Variants in ZFP28 observed in about 807,000 individuals in gnomAD.
The protein encoded by ZFP28 is ZFP28 zinc finger protein.
A neutral mutation model predicts 39.5 loss-of-function variants in ZFP28; 31 were observed. The ratio of observed to expected loss-of-function variants is 0.79; its 90% confidence interval spans 0.59 to 1.06. The LOEUF (loss-of-function observed/expected upper bound fraction) is 1.06. ZFP28 is among the 50% of genes least tolerant of loss of function. The pLI is 0.00. For missense variants in ZFP28, 925 were observed against 1,048.4 expected, an observed-to-expected ratio of 0.88 and a Z score of 1.63; for synonymous variants, 400 against 378.6, an observed-to-expected ratio of 1.06 and a Z score of -0.66.
intron 7 of ZFP28, 86 bp from the exon 8 acceptor site, chr19:56,553,598 G>A: frequency 6.8e-7 from 1 of 1,481,126 alleles, no homozygotes; most frequent in Non-Finnish European, 9.0e-7. Context: ...ACCAATTAGT[G>A]AATTAATTCA....
rs185029907 is a variant in ZFP28, at chr19:56,542,304, C to T, written c.300+2588C>T. Among the ~76,000 whole-genome samples, 16 of 152,234 alleles carry T rather than the reference C, an allele frequency of 1.1e-4. 1 individual carries two copies. Among genetic ancestry groups the T allele is most frequent in the African/African-American group, 3.9e-4 (16 of 41,558 alleles). On this transcript the variant is annotated intron_variant, in intron 2 of 7. Coordinates refer to ENST00000301318, the MANE Select transcript of ZFP28 (RefSeq NM_020828.2). ...AAGTAGCTGGAATTACAGGCATGTG[C>T]CACCATGCCCAGCTAATTTTTGTAT...
At chr19:56,546,522 A>G (rs1297338186) in intron 2 of ZFP28, 1 of 152,246 alleles carries the variant, frequency 6.6e-6, no homozygotes, top group Non-Finnish European at 1.5e-5. Context: ...AGCTTCTCCA[A>G]GATGGCACCT....
chr19:56,551,313 T>C, intron 7 of ZFP28: 1 of 986,842 alleles, frequency 1.0e-6, no homozygotes, highest in African/African-American at 1.7e-5. Flanking sequence ...TGTAATTGTT[T>C]ACTGTTTGGC....
intron 7 of ZFP28, chr19:56,550,969 C>T (rs1230659053): frequency 2.9e-6 from 4 of 1,364,070 alleles, no homozygotes; most frequent in Non-Finnish European, 3.8e-6. Flanking sequence ...CTGTGAGAAC[C>T]ACAAATTGAA....
Position 56,547,424 on chromosome 19 carries a change from G to A in ZFP28, c.301-84G>A. On this transcript the variant is annotated intron_variant, in intron 2 of 7. Transcript: ENST00000301318. This position sits in a 1 kb window ranked among gnomAD's most constrained non-coding sequence, Gnocchi z 4.6. Reference sequence around the variant, plus strand: ...AGTTTAATGTAGGAGTTTTGTCAGGGGACACATTTCTTTCTATAACAAACC... The same window carrying A: ...AGTTTAATGTAGGAGTTTTGTCAGGAGACACATTTCTTTCTATAACAAACC... 1.3e-6 allele frequency: 2 copies of A among 1,596,124 alleles called. No individual in the cohort carries two copies. The highest frequency in any genetic ancestry group is 1.7e-6 in the Non-Finnish European group (2 of 1,168,322).
chr19:56,539,039 G>A lies in ZFP28; in HGVS notation c.21G>A (p.Ala7=). 1 of 1,466,010 alleles carries A rather than the reference G, an allele frequency of 6.8e-7. No individual in the cohort carries two copies. The allele number at this position is 1,466,010 out of a possible 1,614,324, so 90.8% of individuals were successfully genotyped here. A position where few individuals can be genotyped will look rare whatever the true frequency, so the allele number is the denominator to read the frequency against. The part of the protein sequence containing the change: MRGAAS[A]SVREPTPLPG... ...GTGACATGCGGGGGGCGGCGAGCGC[G>A]AGTGTCCGCGAGCCGACGCCGCTCC... The change falls in exon 1 of 8, where the codon GCG becomes GCA. Residue 7 remains alanine (A), a synonymous_variant. Coordinates refer to ENST00000301318, the MANE Select transcript of ZFP28 (RefSeq NM_020828.2).
chr19:56,548,834 T>C, intron 4 of ZFP28, 124 bp from the exon 5 acceptor site: 1 of 1,044,964 alleles, frequency 9.6e-7, no homozygotes, highest in Non-Finnish European at 1.3e-6. Flanking sequence ...GCTTTTCATT[T>C]TCTTCCATAA....
rs2044328570 is a variant in ZFP28, at chr19:56,554,130, A to G, written c.1345A>G (p.Lys449Glu). 1 of 1,614,078 alleles carries G rather than the reference A, an allele frequency of 6.2e-7. No individual in the cohort carries two copies. Among genetic ancestry groups the G allele is most frequent in the Admixed American group, 1.7e-5 (1 of 60,014 alleles). The change falls in exon 8 of 8, where the codon AAA becomes GAA. Residue 449 changes from lysine to glutamate, a missense_variant. Lys to Glu is a moderately conservative substitution (Grantham distance 56, BLOSUM62 1). Coordinates refer to ENST00000301318, the MANE Select transcript of ZFP28 (RefSeq NM_020828.2). This position sits in a 1 kb window ranked among gnomAD's most constrained non-coding sequence, Gnocchi z 6.7. ...AATTCACACTGGAGAGAAACCTTAT[A>G]AATGTAATGAATGTGGGAAGGCCTT... ...QRIHTGEKPYKCNECGKAFSD... is the reference protein window; with the variant it reads ...QRIHTGEKPYECNECGKAFSD...
chr19:56,553,004 A>G (rs2044318913), intron 7 of ZFP28: 1 of 152,220 alleles, frequency 6.6e-6, no homozygotes, highest in Admixed American at 6.5e-5. Context: ...GTGAGGTGAT[A>G]TGGTAATTAG....
chr19:56,541,560 CT>C (rs1418934491), intron 2 of ZFP28, among the ~76,000 whole-genome samples: 1 of 152,158 alleles, frequency 6.6e-6, no homozygotes, highest in African/African-American at 2.4e-5. Context: ...AGCCAAAACT[CT>C]TCCTGTTACT....
At position 56,548,910 on chromosome 19, in the gene ZFP28, A is replaced by T; in HGVS notation, c.524-48A>T. 2.0e-6 allele frequency: 3 copies of T among 1,514,640 alleles called. No homozygotes were observed. The South Asian group carries it at 4.0e-5, about 20-fold the overall frequency. The allele number at this position is 1,514,640 out of a possible 1,614,324, so 93.8% of individuals were successfully genotyped here. A position where few individuals can be genotyped will look rare whatever the true frequency, so the allele number is the denominator to read the frequency against. ...CGGTTGCATTTTGGAATTTTTCTTCATACTAACACATGATAAAAGATAAAT... is the reference window on the plus strand; with the variant it reads ...CGGTTGCATTTTGGAATTTTTCTTCTTACTAACACATGATAAAAGATAAAT... On this transcript the variant is annotated intron_variant, in intron 4 of 7. Transcript: ENST00000301318.
chr19:56,550,826 G>A lies in ZFP28; in HGVS notation c.898+221G>A, dbSNP rs1363188496. The A allele has an allele frequency of 7.4e-6, 11 of 1,488,544 alleles. No homozygotes were observed. The Middle Eastern group carries it at 7.2e-4, about 98-fold the overall frequency. 92.2% of individuals were successfully genotyped at this position (1,488,544 alleles called of 1,614,324 possible). A position where few individuals can be genotyped will look rare whatever the true frequency, so the allele number is the denominator to read the frequency against. On this transcript the variant is annotated intron_variant, in intron 7 of 7. Coordinates refer to ENST00000301318, the MANE Select transcript of ZFP28 (RefSeq NM_020828.2). ...TTCCCTGAAGTTCCTTCTTTTCTTG[G>A]CCACTGGGACGTGTATCATCCACTT...
intron 7 of ZFP28, chr19:56,552,061 A>G (rs1019939200): frequency 2.3e-6 from 2 of 860,076 alleles, no homozygotes; most frequent in African/African-American, 3.7e-5. Flanking sequence ...ATATAGTTCT[A>G]TTTCATTTTT....
In ZFP28 at chr19:56,556,017, T is replaced by C. The variant is rs1050205044; in HGVS notation, c.*625T>C. On this transcript the variant is annotated 3_prime_UTR_variant, in exon 8 of 8. Coordinates refer to ENST00000301318, the MANE Select transcript of ZFP28 (RefSeq NM_020828.2). Reference sequence around the variant, plus strand: ...CAAGAATTAGAAAACTTTGCAAGATTTGACTTGTTTAAAAATCACATTTAT... The same window carrying C: ...CAAGAATTAGAAAACTTTGCAAGATCTGACTTGTTTAAAAATCACATTTAT... 19 of 152,348 alleles carry C rather than the reference T, an allele frequency of 1.2e-4. No individual in the cohort carries two copies. Among genetic ancestry groups the C allele is most frequent in the Admixed American group, 5.2e-4 (8 of 15,304 alleles). The allele number at this position is 152,348 out of a possible 1,614,324, so 9.4% of individuals were successfully genotyped here. A position where few individuals can be genotyped will look rare whatever the true frequency, so the allele number is the denominator to read the frequency against.
At chr19:56,550,330 AGAGGTGAAAGT>A in intron 6 of ZFP28, 149 bp downstream of exon 6, 1 of 935,766 alleles carries the variant, frequency 1.1e-6, no homozygotes, top group Non-Finnish European at 1.6e-6. Context: ...TGGCATTTGT[AGAGGTGAAAGT>A]TGGTGTCTTT....
At chr19:56,540,284 G>A (rs534543189) in intron 2 of ZFP28, among the ~76,000 whole-genome samples, 2 of 152,354 alleles carry the variant, frequency 1.3e-5, no homozygotes, top group African/African-American at 4.8e-5. Flanking sequence ...GCCTTGAAGG[G>A]AGAGAAGATG....
chr19:56,552,630 A>G (rs1202338238), intron 7 of ZFP28: 1 of 152,148 alleles, frequency 6.6e-6, no homozygotes, highest in Non-Finnish European at 1.5e-5. Flanking sequence ...AAGTTTGCAT[A>G]TGGTATTTCT....
Position 56,550,549 on chromosome 19 carries a change from A to G in ZFP28, c.842A>G (p.Glu281Gly). The G allele has an allele frequency of 6.2e-7, 1 of 1,614,130 alleles. No homozygotes were observed. Among genetic ancestry groups the G allele is most frequent in the Non-Finnish European group, 8.5e-7 (1 of 1,180,032 alleles). ...VAKPDLVSLL[E>G]QEKEPWMVKR... ...AAGCCAGATTTAGTCTCTTTACTAGAGCAAGAGAAGGAGCCCTGGATGGTG... is the reference window on the plus strand; with the variant it reads ...AAGCCAGATTTAGTCTCTTTACTAGGGCAAGAGAAGGAGCCCTGGATGGTG... The change falls in exon 7 of 8, where the codon GAG becomes GGG. Residue 281 changes from glutamate (E) to glycine (G), a missense_variant. Glu to Gly is a moderately conservative substitution (Grantham distance 98). Transcript: ENST00000301318.
chr19:56,547,622 C>G lies in ZFP28; in HGVS notation c.415C>G (p.Leu139Val), dbSNP rs2044254222. The change falls in exon 3 of 8, where the codon CTG (leucine) becomes GTG (valine). Residue 139 changes from leucine to valine, a missense_variant. By Grantham distance (32) the Leu-to-Val change is conservative (BLOSUM62 1). This residue lies in a region of ZFP28 where 556 missense variants were observed against 542.9 expected (regional missense o/e 1.02). Transcript: ENST00000301318. This position sits in a 1 kb window ranked among gnomAD's most constrained non-coding sequence, Gnocchi z 4.6. ...RKVMLENYRN[L>V]ASLGLCVSKP... ...GGTGATGTTGGAGAACTACAGGAAC[C>G]TGGCATCGCTGGGTAAGGGCTCCCA... 1 of 1,610,498 alleles carries G rather than the reference C, an allele frequency of 6.2e-7. No homozygotes were observed. Among genetic ancestry groups the G allele is most frequent in the East Asian group, 2.2e-5 (1 of 44,832 alleles).
Sources: allele counts gnomAD v4.1 joint callset (sites outside exome capture counted in the v4.1 genomes callset), GRCh38; gene constraint gnomAD v4.1.1; regional missense constraint gnomAD v4.1.1; non-coding constraint Gnocchi (gnomAD v3.1); transcripts MANE v1.5; gene names NCBI Gene and HGNC (gene_info 2026-07-23, HGNC 2026-07-21).